Variants in UBE2E3 observed in about 807,000 individuals in gnomAD.
UBE2E3 encodes the protein ubiquitin-conjugating enzyme E2 E3.
A neutral mutation model predicts 23.6 loss-of-function variants in UBE2E3; 5 were observed. The ratio of observed to expected loss-of-function variants is 0.21; its 90% CI spans 0.11 to 0.44. The LOEUF is 0.44. Among genes scored for constraint, UBE2E3 ranks in the 20% least tolerant of loss-of-function variants. The pLI, the probability that UBE2E3 is intolerant of heterozygous loss-of-function variation, is 0.99. For missense variants in UBE2E3, 81 were observed against 249.8 expected (o/e 0.32, Z 4.55); for synonymous variants, 78 against 87.5 (o/e 0.89, Z 0.60).
chr2:181,046,913 A>G (rs910112859), intron 3 of UBE2E3, among the ~76,000 whole-genome samples: 2 of 152,106 alleles, frequency 1.3e-5, no homozygotes, highest in Non-Finnish European at 2.9e-5. Context: ...TATTTTTCAA[A>G]TTAAAAATTA....
upstream of UBE2E3, chr2:180,980,515 CCGGGCGTCGGCGG>C (rs1442557582): frequency 6.7e-6 from 1 of 148,564 alleles, no homozygotes; most frequent in Non-Finnish European, 1.5e-5. The surrounding 1 kb of genome is among the most constrained non-coding windows in gnomAD (Gnocchi z 5.5). Context: ...CTCGCGCCCG[CCGGGCGTCGGCGG>C]CGCGCGCCCC....
chr2:181,023,120 T>G (rs1228656612), intron 3 of UBE2E3, among the ~76,000 whole-genome samples: 1 of 152,186 alleles, frequency 6.6e-6, no homozygotes, highest in Non-Finnish European at 1.5e-5. Flanking sequence ...TTCCTTGACT[T>G]ACAGTGGGGC....
chr2:181,036,955 A>G (rs1414521821), intron 3 of UBE2E3, among the ~76,000 whole-genome samples: 1 of 152,204 alleles, frequency 6.6e-6, no homozygotes, highest in African/African-American at 2.4e-5. Flanking sequence ...TATCCACAAC[A>G]TTAAGCGAAG....
At chr2:181,016,496 A>G (rs940521551) in intron 3 of UBE2E3, among the ~76,000 whole-genome samples, 5 of 152,102 alleles carry the variant, frequency 3.3e-5, no homozygotes, top group Non-Finnish European at 5.9e-5. Context: ...AATATTTCTT[A>G]TTTAATATGT....
chr2:180,999,217 G>A (rs1041993660), intron 3 of UBE2E3, among the ~76,000 whole-genome samples: 5 of 152,098 alleles, frequency 3.3e-5, no homozygotes, highest in South Asian at 4.1e-4. Context: ...TTACATGACC[G>A]CAAAGAATGG....
intron 3 of UBE2E3, among the ~76,000 whole-genome samples, chr2:180,984,681 G>T (rs1040994067): frequency 1.3e-5 from 2 of 152,160 alleles, no homozygotes; most frequent in African/African-American, 2.4e-5. Flanking sequence ...AGTAATTTTG[G>T]TGGTTGGAAT....
intron 3 of UBE2E3, among the ~76,000 whole-genome samples, chr2:181,001,460 G>A (rs887187252): frequency 5.9e-5 from 9 of 152,144 alleles, no homozygotes; most frequent in African/African-American, 1.9e-4. Context: ...TGAATGTAGA[G>A]GGTGGGACAT....
intron 3 of UBE2E3, among the ~76,000 whole-genome samples, chr2:181,036,667 C>A (rs1160489481): frequency 6.6e-6 from 1 of 152,206 alleles, no homozygotes; most frequent in Non-Finnish European, 1.5e-5. Context: ...GTGCCCTGGG[C>A]TGCTGGAACT....
At chr2:181,001,993 CCAG>C (rs1409224836) in intron 3 of UBE2E3, among the ~76,000 whole-genome samples, 2 of 152,124 alleles carry the variant, frequency 1.3e-5, no homozygotes. Context: ...TTGTAGTTTT[CCAG>C]CTGTTGCATA....
At chr2:181,046,775 A>G (rs545482962) in intron 3 of UBE2E3, among the ~76,000 whole-genome samples, 2 of 152,234 alleles carry the variant, frequency 1.3e-5, no homozygotes. Context: ...ATAAGAAAGC[A>G]TATCATAGAA....
intron 3 of UBE2E3, among the ~76,000 whole-genome samples, chr2:181,003,910 G>T (rs1409232801): frequency 6.6e-6 from 1 of 152,112 alleles, no homozygotes; most frequent in Non-Finnish European, 1.5e-5. Context: ...TATCTTTTTA[G>T]AAATGAGAAG....
intron 3 of UBE2E3, among the ~76,000 whole-genome samples, chr2:181,030,841 T>C (rs1333161808): frequency 6.6e-6 from 1 of 152,156 alleles, no homozygotes; most frequent in Admixed American, 6.6e-5. Flanking sequence ...ATGTCTGTTA[T>C]TTCTGTCTTC....
intron 3 of UBE2E3, among the ~76,000 whole-genome samples, chr2:180,993,373 C>T (rs1018802797): frequency 6.6e-6 from 1 of 152,104 alleles, no homozygotes; most frequent in African/African-American, 2.4e-5. Context: ...TATGCCATTC[C>T]AAAGTTTTTT....
intron 3 of UBE2E3, chr2:180,987,308 T>G: frequency 6.5e-7 from 1 of 1,548,380 alleles, no homozygotes; most frequent in Non-Finnish European, 8.7e-7. Context: ...GATGTGTTAT[T>G]AAGACATTTA....
rs1221374976 is a variant in UBE2E3, at chr2:180,994,027, G to A, written c.245+9934G>A. On this transcript the variant is annotated intron_variant, in intron 3 of 5. Transcript: ENST00000410062. ...TGAAGGCTTTGAACGCAAACTCAGA[G>A]ACATGTAATTTATATGGAATTCAAT... 3.6e-4 allele frequency among the ~76,000 whole-genome samples: 55 copies of A among 152,136 alleles called. 1 individual carries two copies. Among genetic ancestry groups the A allele is most frequent in the Admixed American group, 3.6e-3 (55 of 15,286 alleles).
chr2:180,981,608 G>C (rs927680680), intron 1 of UBE2E3: 2 of 154,912 alleles, frequency 1.3e-5, no homozygotes, highest in African/African-American at 4.8e-5. Context: ...GAATTTGGTA[G>C]CTTTGACCAA....
chr2:181,048,216 T>G (rs1686727706), intron 3 of UBE2E3, among the ~76,000 whole-genome samples: 1 of 152,152 alleles, frequency 6.6e-6, no homozygotes, highest in Non-Finnish European at 1.5e-5. Context: ...CGTTTTCTGT[T>G]TTATGTTTTT....
rs1687124950 is a variant in UBE2E3 at position 181,060,698 on chromosome 2, A to G, written c.412A>G (p.Ile138Val). Residue 138 changes from isoleucine to valine, a missense_variant, in exon 5 of 6, where the codon ATC becomes GTC. Physicochemically the swap from Ile to Val is conservative, Grantham distance 29. Transcript: ENST00000410062. Reference sequence around the variant, plus strand: ...CCGCACCAGAATCTATCACTGCAACATCAACAGTCAGGGAGTCATCTGTCT... The same window carrying G: ...CCGCACCAGAATCTATCACTGCAACGTCAACAGTCAGGGAGTCATCTGTCT... The part of the protein sequence containing the change: ...TFRTRIYHCN[I>V]NSQGVICLDI... 6.2e-7 allele frequency: 1 copy of G among 1,609,636 alleles called. No individual in the cohort carries two copies. Among genetic ancestry groups the G allele is most frequent in the Non-Finnish European group, 8.5e-7 (1 of 1,177,986 alleles).
Position 180,980,878 on chromosome 2 carries a change from C to G in UBE2E3, c.-121C>G, listed in dbSNP as rs1209544865. ...TTTTTTCCCTCCCCCCCCTTCCCCC[C>G]CCCACAGCTGCCTCCATTTCCTTAA... On this transcript the variant is annotated 5_prime_UTR_variant, in exon 1 of 6. Transcript: ENST00000410062. This position sits in a 1 kb window ranked among gnomAD's most constrained non-coding sequence, Gnocchi z 5.5. 6.7e-6 allele frequency: 1 copy of G among 150,084 alleles called. No homozygotes were observed. The highest frequency in any genetic ancestry group is 1.9e-4 in the South Asian group (1 of 5,154). 9.3% of individuals were successfully genotyped at this position (150,084 alleles called of 1,614,324 possible).
Sources: gnomAD v4.1 joint callset for allele counts (sites outside exome capture counted in the v4.1 genomes callset) on GRCh38, gnomAD v4.1.1 for gene constraint, Gnocchi (gnomAD v3.1) non-coding constraint, MANE v1.5 for transcripts, NCBI Gene and HGNC (gene_info 2026-07-23, HGNC 2026-07-21) for gene names.